ANXA8: variants seen among roughly 807,000 people sequenced by gnomAD.
ANXA8 encodes VAC-beta.
A neutral mutation model predicts 26.8 loss-of-function variants in ANXA8; 9 were observed. The observed-to-expected ratio is 0.34, with a 90% CI of 0.20 to 0.59. The LOEUF (loss-of-function observed/expected upper bound fraction) is 0.59, where lower values mean the gene tolerates loss of function less well. Ranked by LOEUF, ANXA8 falls within the 20% of genes least tolerant of loss-of-function variation. ANXA8 has a pLI of 0.84. For missense variants in ANXA8, 83 were observed against 238.5 expected (o/e 0.35, Z 4.29); for synonymous variants, 39 against 94.8 (o/e 0.41, Z 3.42).
chr10:47,951,357 A>G, the ANXA8 span, among the ~76,000 whole-genome samples: 1 of 150,838 alleles, frequency 6.6e-6, no homozygotes, highest in South Asian at 2.1e-4. Flanking sequence ...ATTCAATCAA[A>G]TATTTAAGGA....
chr10:47,755,552 G>GC, the ANXA8 span, among the ~76,000 whole-genome samples: 2 of 121,436 alleles, frequency 1.6e-5, no homozygotes, highest in African/African-American at 3.0e-5. Context: ...ACCGTGCCCG[G>GC]CCCTTTTTTT....
chr10:47,968,987 A>G, the ANXA8 span, among the ~76,000 whole-genome samples: 1 of 148,244 alleles, frequency 6.7e-6, no homozygotes, highest in Non-Finnish European at 1.5e-5. Context: ...CTTGAAAAAA[A>G]TAAATAAAAC....
At chr10:47,960,194 T>C in the ANXA8 span, among the ~76,000 whole-genome samples, 1 of 147,710 alleles carries the variant, frequency 6.8e-6, no homozygotes. Context: ...TAATTAAAAT[T>C]ATTTCAAAAA....
the ANXA8 span, among the ~76,000 whole-genome samples, chr10:47,674,724 T>G: frequency 6.6e-6 from 1 of 151,806 alleles, no homozygotes; most frequent in East Asian, 1.9e-4. Flanking sequence ...CATTTATTTA[T>G]CCATTCAATT....
the ANXA8 span, among the ~76,000 whole-genome samples, chr10:47,527,895 A>G: frequency 6.7e-6 from 1 of 149,304 alleles, no homozygotes; most frequent in African/African-American, 2.5e-5. Context: ...TGAGGTTAGA[A>G]GAGAAGGAAG....
chr10:47,560,576 T>C, the ANXA8 span, among the ~76,000 whole-genome samples: 2 of 151,846 alleles, frequency 1.3e-5, no homozygotes, highest in African/African-American at 2.4e-5. Context: ...AGTTGAGATT[T>C]GCCTGTTTGA....
At chr10:47,559,806 C>G in the ANXA8 span, among the ~76,000 whole-genome samples, 1 of 151,896 alleles carries the variant, frequency 6.6e-6, no homozygotes, top group Non-Finnish European at 1.5e-5. Flanking sequence ...TGTCCCTACT[C>G]TGTTGGCTCC....
chr10:47,533,185 T>TA, the ANXA8 span, among the ~76,000 whole-genome samples: 1 of 102,396 alleles, frequency 9.8e-6, no homozygotes. Flanking sequence ...TAAACACACA[T>TA]CACACACACA....
chr10:47,666,826 A>G, the ANXA8 span, among the ~76,000 whole-genome samples: 1 of 151,974 alleles, frequency 6.6e-6, no homozygotes, highest in Admixed American at 6.5e-5. Context: ...CTCATAGGTA[A>G]CCATCCTCAA....
the ANXA8 span, among the ~76,000 whole-genome samples, chr10:47,950,982 T>C: frequency 6.6e-6 from 1 of 150,734 alleles, no homozygotes; most frequent in Non-Finnish European, 1.5e-5. Context: ...GAAAACAATG[T>C]AATAGAAAAA....
chr10:47,722,480 C>T, the ANXA8 span, among the ~76,000 whole-genome samples: 2 of 139,352 alleles, frequency 1.4e-5, 1 homozygote, highest in Non-Finnish European at 3.1e-5. Flanking sequence ...GTTTGGGTCT[C>T]TCAAGAGGTT....
chr10:47,733,193 C>T, the ANXA8 span, among the ~76,000 whole-genome samples: 13 of 117,048 alleles, frequency 1.1e-4, no homozygotes, highest in Non-Finnish European at 2.4e-4. Context: ...TTCTTTCTTT[C>T]TTTCTTTCTT....
chr10:47,652,900 A>G, the ANXA8 span, among the ~76,000 whole-genome samples: 5 of 150,954 alleles, frequency 3.3e-5, no homozygotes, highest in Non-Finnish European at 5.9e-5. Flanking sequence ...TTATATTTAC[A>G]CTTGATCTTA....
chr10:47,672,788 G>A, the ANXA8 span, among the ~76,000 whole-genome samples: 1 of 151,784 alleles, frequency 6.6e-6, no homozygotes, highest in East Asian at 1.9e-4. Context: ...AACCATTCGA[G>A]GTCTGGGGAA....
the ANXA8 span, among the ~76,000 whole-genome samples, chr10:47,648,195 A>G: frequency 6.7e-6 from 1 of 149,796 alleles, no homozygotes. Flanking sequence ...AAGGAGATCT[A>G]TTCTTCCATT....
chr10:47,631,264 G>T, the ANXA8 span, among the ~76,000 whole-genome samples: 1 of 151,618 alleles, frequency 6.6e-6, no homozygotes, highest in African/African-American at 2.4e-5. Flanking sequence ...CAGGATTCAG[G>T]AAGTTTATTT....
chr10:47,546,650 C>T, the ANXA8 span, among the ~76,000 whole-genome samples: 5 of 134,606 alleles, frequency 3.7e-5, no homozygotes, highest in African/African-American at 1.4e-4. Context: ...CCGTGATCTG[C>T]CTGCCTTGGC....
chr10:47,565,094 C>A, the ANXA8 span: 3 of 757,410 alleles, frequency 4.0e-6, no homozygotes, highest in Admixed American at 5.4e-5. Flanking sequence ...TGTGAAGGAC[C>A]AGCGCCCGTC....
the ANXA8 span, among the ~76,000 whole-genome samples, chr10:47,558,321 G>C: frequency 6.6e-6 from 1 of 151,836 alleles, no homozygotes; most frequent in Non-Finnish European, 1.5e-5. Flanking sequence ...CAGCAGGGTG[G>C]CCTTGATTTT....
Sources: allele counts gnomAD v4.1 joint callset (sites outside exome capture counted in the v4.1 genomes callset), GRCh38; gene constraint gnomAD v4.1.1; transcripts MANE v1.5; gene names NCBI Gene and HGNC (gene_info 2026-07-23, HGNC 2026-07-21).